The following ADAM32 variants were observed in gnomAD, a reference collection of about 807,000 sequenced individuals.
ADAM32 encodes the protein ADAM metallopeptidase domain 32, also known as disintegrin and metalloproteinase domain-containing protein 32.
A neutral mutation model predicts 114.9 loss-of-function variants in ADAM32; 89 were observed. The observed-to-expected ratio is 0.77, with a 90% CI of 0.65 to 0.92. The LOEUF (loss-of-function observed/expected upper bound fraction) is 0.92. Ranked by LOEUF, ADAM32 falls within the 40% of genes least tolerant of loss-of-function variation. The pLI is 0.00. For missense variants in ADAM32, 870 were observed against 932.8 expected, an observed-to-expected ratio of 0.93 and a Z score of 0.88; for synonymous variants, 285 against 307.5, an observed-to-expected ratio of 0.93 and a Z score of 0.77.
chr8:39,139,408 C>T (rs1803004932), intron 3 of ADAM32, among the ~76,000 whole-genome samples: 1 of 152,096 alleles, frequency 6.6e-6, no homozygotes, highest in Non-Finnish European at 1.5e-5. Flanking sequence ...GCCAGCTTTC[C>T]CAGCACCATT....
chr8:39,255,127 G>A (rs1811566404), intron 18 of ADAM32, among the ~76,000 whole-genome samples: 1 of 151,872 alleles, frequency 6.6e-6, no homozygotes, highest in African/African-American at 2.4e-5. Flanking sequence ...ACTGATTGAT[G>A]GGCATTTGGG....
At chr8:39,180,671 T>G (rs1805811986) in intron 10 of ADAM32, among the ~76,000 whole-genome samples, 1 of 152,320 alleles carries the variant, frequency 6.6e-6, no homozygotes, top group East Asian at 1.9e-4. Flanking sequence ...TGTATCTAGC[T>G]CAAGGTTTGT....
At chr8:39,145,663 C>T (rs949248546) in intron 3 of ADAM32, among the ~76,000 whole-genome samples, 1 of 152,068 alleles carries the variant, frequency 6.6e-6, no homozygotes, top group Admixed American at 6.6e-5. Context: ...GAATGTGGTC[C>T]ACAGTATGAA....
rs926125914 is a variant in ADAM32 at position 39,219,644 on chromosome 8, C to A, written c.1234-1966C>A. 5.3e-5 allele frequency among the ~76,000 whole-genome samples: 8 copies of A among 152,174 alleles called. 1 individual carries two copies. In the South Asian group the frequency reaches 1.7e-3, roughly 32 times the overall value. On this transcript the variant is annotated intron_variant, in intron 12 of 24. Transcript: ENST00000379907. ...GCTGCTGGGGGATAAGGGATGGTTGCTGTTGACAATTCAAGACATTCTTTC... is the reference window on the plus strand; with the variant it reads ...GCTGCTGGGGGATAAGGGATGGTTGATGTTGACAATTCAAGACATTCTTTC...
chr8:39,170,092 C>G (rs1022017227), intron 10 of ADAM32, 95 bp downstream of exon 10: 3 of 938,398 alleles, frequency 3.2e-6, no homozygotes, highest in Admixed American at 5.8e-5. Flanking sequence ...TGCATGTTTC[C>G]ATTTACAGAT....
chr8:39,221,374 A>T (rs150447396), intron 12 of ADAM32: 2 of 402,016 alleles, frequency 5.0e-6, no homozygotes, highest in Non-Finnish European at 9.0e-6. Flanking sequence ...CATGTCTTTT[A>T]AGTAGAGAAT....
intron 2 of ADAM32, among the ~76,000 whole-genome samples, chr8:39,125,069 G>A (rs1415267871): frequency 1.3e-5 from 2 of 152,014 alleles, no homozygotes; most frequent in Non-Finnish European, 2.9e-5. Context: ...ATCTGATTGT[G>A]GTTTTGATTT....
chr8:39,192,769 T>C (rs986809601), intron 11 of ADAM32, among the ~76,000 whole-genome samples: 1 of 152,220 alleles, frequency 6.6e-6, no homozygotes, highest in Non-Finnish European at 1.5e-5. Context: ...CACCTTCGCT[T>C]ATGAAGCTTA....
chr8:39,281,081 C>T (rs1416927349), intron 22 of ADAM32, 55 bp from the exon 23 acceptor site: 2 of 962,028 alleles, frequency 2.1e-6, no homozygotes, highest in Non-Finnish European at 2.7e-6. Context: ...CGCGCCTGGC[C>T]AATTTATTTT....
Position 39,233,987 on chromosome 8 carries a change from C to T in ADAM32, c.1723C>T (p.Arg575Ter), listed in dbSNP as rs544708309. The part of the protein sequence containing the change: ...ENGDVIYAFV[R>*]DSVCITVDYK... ...TGGTGATGTGATTTATGCTTTCGTA[C>T]GAGATTCTGTATGCATAACTGTAGA... The change falls in exon 16 of 25, where the codon CGA (arginine) becomes TGA (stop). Residue 575 changes from arginine to a stop codon, truncating the protein, a stop_gained. Coordinates refer to ENST00000379907, the MANE Select transcript of ADAM32 (RefSeq NM_145004.7). LOFTEE classifies it high-confidence loss of function. 9.1e-5 allele frequency: 143 copies of T among 1,577,646 alleles called. No homozygotes were observed. Among genetic ancestry groups the T allele is most frequent in the Non-Finnish European group, 7.7e-5 (89 of 1,159,848 alleles).
At chr8:39,266,154 C>A (rs1460922378) in intron 19 of ADAM32, among the ~76,000 whole-genome samples, 2 of 152,050 alleles carry the variant, frequency 1.3e-5, no homozygotes, top group African/African-American at 4.8e-5. Flanking sequence ...GGATGGTCAT[C>A]TTGTATGGTA....
chr8:39,135,158 GA>G (rs1385515041), intron 2 of ADAM32, among the ~76,000 whole-genome samples: 3 of 151,958 alleles, frequency 2.0e-5, no homozygotes, highest in Non-Finnish European at 4.4e-5. Context: ...TCTGTCGCAA[GA>G]AAAAAACAAA....
chr8:39,250,314 C>T (rs975771914), intron 17 of ADAM32, among the ~76,000 whole-genome samples: 30 of 151,490 alleles, frequency 2.0e-4, no homozygotes, highest in African/African-American at 6.8e-4. Context: ...TATTGAGACA[C>T]CCTCAAGCTC....
chr8:39,197,428 A>G (rs537134825), intron 11 of ADAM32, among the ~76,000 whole-genome samples: 1 of 151,654 alleles, frequency 6.6e-6, no homozygotes, highest in African/African-American at 2.4e-5. Flanking sequence ...TATTTGAAAT[A>G]TTTCTACTTT....
intron 7 of ADAM32, among the ~76,000 whole-genome samples, chr8:39,162,336 G>A (rs1804566674): frequency 6.6e-6 from 1 of 151,954 alleles, no homozygotes; most frequent in East Asian, 1.9e-4. Flanking sequence ...CAAAGGACAT[G>A]AACTCATCAT....
At chr8:39,277,800 C>A (rs1173561719) in intron 22 of ADAM32, among the ~76,000 whole-genome samples, 1 of 152,244 alleles carries the variant, frequency 6.6e-6, no homozygotes, top group African/African-American at 2.4e-5. Context: ...GGTATCCAGG[C>A]AGGGTGCCTG....
At chr8:39,203,062 A>G (rs1807542422) in intron 11 of ADAM32, among the ~76,000 whole-genome samples, 1 of 152,122 alleles carries the variant, frequency 6.6e-6, no homozygotes, top group South Asian at 2.1e-4. Context: ...CTATGTGGTC[A>G]ATTTTGGGAT....
intron 2 of ADAM32, among the ~76,000 whole-genome samples, chr8:39,125,302 T>C (rs1048996082): frequency 1.3e-5 from 2 of 152,184 alleles, no homozygotes; most frequent in Non-Finnish European, 1.5e-5. Flanking sequence ...TTTTGGACTT[T>C]GTTGGGATTG....
chr8:39,147,100 TA>T (rs755021733), intron 3 of ADAM32, 29 bp from the exon 4 acceptor site: 9 of 860,600 alleles, frequency 1.0e-5, no homozygotes, highest in African/African-American at 3.5e-5. Context: ...AAAGAATAAT[TA>T]AAAAAATTTC....
Sources: gnomAD v4.1 joint callset for allele counts (sites outside exome capture counted in the v4.1 genomes callset) on GRCh38, gnomAD v4.1.1 for gene constraint, MANE v1.5 for transcripts, NCBI Gene and HGNC (gene_info 2026-07-23, HGNC 2026-07-21) for gene names.